The following ZNF883 variants were observed in gnomAD, a reference collection of about 807,000 sequenced individuals.
ZNF883 encodes the protein zinc finger protein 883.
At chr9:112,996,529 C>A (rs528069510), downstream of ZNF883, among the ~76,000 whole-genome samples, 7 of 151,960 alleles carry the variant, frequency 4.6e-5, no homozygotes, top group East Asian at 5.8e-4. Context: ...CGGTGGCTCA[C>A]GCCTGTAATC....
At chr9:112,999,787 C>T (rs1828404988), upstream of ZNF883, 1 of 152,264 alleles carries the variant, frequency 6.6e-6, no homozygotes, top group African/African-American at 2.4e-5. Context: ...GCATGCGACA[C>T]TTCCAGCACC....
At chr9:112,994,791 T>C (rs931718343), downstream of ZNF883, among the ~76,000 whole-genome samples, 1 of 152,192 alleles carries the variant, frequency 6.6e-6, no homozygotes, top group South Asian at 2.1e-4. Context: ...TTAGTAGTTC[T>C]AATTGGATTT....
upstream of ZNF883, among the ~76,000 whole-genome samples, chr9:113,002,871 G>T (rs1828439835): frequency 6.6e-6 from 1 of 152,128 alleles, no homozygotes; most frequent in South Asian, 2.1e-4. Flanking sequence ...GAGTGGGTTT[G>T]TTCCCTTCCA....
At chr9:113,006,153 G>A (rs1327517107) in intron 2 of ZNF883, among the ~76,000 whole-genome samples, 4 of 146,614 alleles carry the variant, frequency 2.7e-5, no homozygotes, top group East Asian at 2.0e-4. Context: ...CAACAAAAGC[G>A]ACCTTCCCTG....
downstream of ZNF883, among the ~76,000 whole-genome samples, chr9:112,994,545 ATAAAT>A (rs1256254811): frequency 1.3e-5 from 2 of 152,238 alleles, no homozygotes; most frequent in African/African-American, 4.8e-5. Context: ...CAAATCAGAG[ATAAAT>A]TAAATACAAA....
At chr9:113,007,914 A>G (rs1411368851) in intron 2 of ZNF883, among the ~76,000 whole-genome samples, 1 of 152,076 alleles carries the variant, frequency 6.6e-6, no homozygotes, top group Non-Finnish European at 1.5e-5. Flanking sequence ...TCCAAACACT[A>G]TTTCTGAAAA....
upstream of ZNF883, among the ~76,000 whole-genome samples, chr9:113,002,404 GA>G (rs1252799611): frequency 6.6e-6 from 1 of 152,016 alleles, no homozygotes; most frequent in Admixed American, 6.6e-5. Flanking sequence ...TGAGATCAGA[GA>G]GTAGAAAAAT....
chr9:112,997,293 A>T (rs912308338), exon 1 of ZNF883: 37 of 1,614,046 alleles, frequency 2.3e-5, no homozygotes, highest in Non-Finnish European at 3.0e-5. Flanking sequence ...CATTCATTAC[A>T]CTGGTAGGGT....
At chr9:112,991,401 A>G (rs1187192838) in intron 1 of ZNF883, among the ~76,000 whole-genome samples, 1 of 151,948 alleles carries the variant, frequency 6.6e-6, no homozygotes, top group Non-Finnish European at 1.5e-5. Context: ...GTTTTGAGTG[A>G]GTTTCTTAAT....
upstream of ZNF883, among the ~76,000 whole-genome samples, chr9:113,001,344 A>C (rs1828422286): frequency 6.6e-6 from 1 of 152,150 alleles, no homozygotes; most frequent in Non-Finnish European, 1.5e-5. Flanking sequence ...ATCATAAAAC[A>C]GTCATTAAAT....
upstream of ZNF883, among the ~76,000 whole-genome samples, chr9:113,001,520 T>A (rs192907619): frequency 1.2e-3 from 178 of 152,244 alleles, no homozygotes; most frequent in African/African-American, 4.1e-3. Context: ...TGCAGGTTTT[T>A]AAAATACAGA....
chr9:113,003,515 T>G (rs1439556930), intron 2 of ZNF883, among the ~76,000 whole-genome samples: 1 of 151,970 alleles, frequency 6.6e-6, no homozygotes, highest in Non-Finnish European at 1.5e-5. Context: ...CAATAGAAGC[T>G]TATCTCTTAA....
At chr9:113,001,395 C>T (rs376678696), upstream of ZNF883, among the ~76,000 whole-genome samples, 4 of 152,094 alleles carry the variant, frequency 2.6e-5, no homozygotes, top group East Asian at 5.8e-4. Flanking sequence ...ATCTGATGTA[C>T]AGAATGGAAA....
downstream of ZNF883, among the ~76,000 whole-genome samples, chr9:112,992,717 T>C (rs1828313872): frequency 6.6e-6 from 1 of 152,164 alleles, no homozygotes; most frequent in Non-Finnish European, 1.5e-5. Context: ...CAATCAGTTA[T>C]AGGTTCAGTC....
intron 1 of ZNF883, among the ~76,000 whole-genome samples, chr9:112,990,963 T>C (rs569701492): frequency 6.6e-6 from 1 of 152,304 alleles, no homozygotes; most frequent in African/African-American, 2.4e-5. Flanking sequence ...GATATCCCCT[T>C]TACCATTTTT....
At chr9:112,997,696 T>G (rs1354522136) in exon 1 of ZNF883, 1 of 1,613,404 alleles carries the variant, frequency 6.2e-7, no homozygotes, top group Non-Finnish European at 8.5e-7. Context: ...GGCAAAAAAC[T>G]TTCCGACATT....
intron 2 of ZNF883, among the ~76,000 whole-genome samples, chr9:113,010,264 C>G (rs1828519255): frequency 6.6e-6 from 1 of 152,184 alleles, no homozygotes; most frequent in African/African-American, 2.4e-5. Context: ...GTTACAGACA[C>G]ACATGTATAT....
chr9:112,998,528 T>A, upstream of ZNF883: 1 of 278,476 alleles, frequency 3.6e-6, no homozygotes, highest in Non-Finnish European at 6.6e-6. Context: ...CAGTTATCCA[T>A]GGGAAACTGT....
chr9:113,002,587 A>G (rs1200064652), upstream of ZNF883, among the ~76,000 whole-genome samples: 1 of 152,184 alleles, frequency 6.6e-6, no homozygotes, highest in Non-Finnish European at 1.5e-5. Flanking sequence ...ATTTTACGCA[A>G]ATCTAAAACT....
Sources: allele counts gnomAD v4.1 joint callset (sites outside exome capture counted in the v4.1 genomes callset), GRCh38; gene constraint gnomAD v4.1.1; transcripts MANE v1.5; gene names NCBI Gene and HGNC (gene_info 2026-07-23, HGNC 2026-07-21).